The following ELOVL6 variants were observed in gnomAD, a reference collection of about 807,000 sequenced individuals.
ELOVL6 encodes the protein very long chain fatty acid elongase 6.
In ELOVL6, 8 loss-of-function variants were observed where a neutral mutation model predicts 31.7. The observed-to-expected ratio is 0.25, with a 90% CI of 0.15 to 0.45. The LOEUF is 0.45. ELOVL6 is among the 20% of genes least tolerant of loss of function. ELOVL6 has a pLI of 1.00. For missense variants in ELOVL6, 126 were observed against 326.4 expected (o/e 0.39, Z 4.73); for synonymous variants, 101 against 117.7 (o/e 0.86, Z 0.92).
rs183120195 is a variant in ELOVL6, at chr4:110,078,413, G to A, written c.222-18659C>T. ...CTCTTGGCAGAAACTCTACAAGCCA[G>A]AAGAGAGTGGGGGCCAATATTCAAC... On this transcript the variant is annotated intron_variant, in intron 2 of 3. Transcript: ENST00000302274. Among the ~76,000 whole-genome samples, 321 of 152,282 alleles carry A rather than the reference G, an allele frequency of 2.1e-3. 11 individuals are homozygous for A. The East Asian group carries it at 0.051, about 24-fold the overall frequency.
At chr4:110,148,124 A>G (rs1210743695) in intron 1 of ELOVL6, among the ~76,000 whole-genome samples, 1 of 151,858 alleles carries the variant, frequency 6.6e-6, no homozygotes, top group Non-Finnish European at 1.5e-5. Flanking sequence ...AAAAAAAAAA[A>G]AAAAAGCCAA....
intron 1 of ELOVL6, among the ~76,000 whole-genome samples, chr4:110,121,185 A>G (rs939244548): frequency 6.6e-6 from 1 of 152,236 alleles, no homozygotes; most frequent in Non-Finnish European, 1.5e-5. Context: ...GTCAAGAACT[A>G]TCTTCAAAGG....
At position 110,174,326 on chromosome 4, in the gene ELOVL6, C is replaced by T. The variant is rs116263754; in HGVS notation, c.89+23921G>A. On this transcript the variant is annotated intron_variant, in intron 1 of 3. Coordinates refer to ENST00000302274, the MANE Select transcript of ELOVL6 (RefSeq NM_024090.3). ...TTACAGGCCCATCCCACCATATGCC[C>T]GGCTGATTTTTGTATTTTCAGTAGA... is the stretch of plus-strand genomic sequence containing the variant. 5.3e-3 allele frequency among the ~76,000 whole-genome samples: 805 copies of T among 151,912 alleles called. 4 individuals carry two copies. The highest frequency in any genetic ancestry group is 0.027 in the Middle Eastern group (8 of 294).
At chr4:110,104,093 T>C (rs750449737) in intron 2 of ELOVL6, among the ~76,000 whole-genome samples, 1 of 152,176 alleles carries the variant, frequency 6.6e-6, no homozygotes, top group African/African-American at 2.4e-5. Flanking sequence ...AGGGGAGTCA[T>C]TGTACTTTTT....
intron 1 of ELOVL6, among the ~76,000 whole-genome samples, chr4:110,183,482 G>C (rs1042522036): frequency 2.6e-5 from 4 of 152,118 alleles, no homozygotes; most frequent in Admixed American, 2.6e-4. Flanking sequence ...AGGACCTCTT[G>C]AGACTATACC....
At chr4:110,143,385 G>A (rs116323364) in intron 1 of ELOVL6, among the ~76,000 whole-genome samples, 501 of 151,730 alleles carry the variant, frequency 3.3e-3, no homozygotes, top group African/African-American at 0.012. Flanking sequence ...TTTTTCAATG[G>A]CGCTCCTGCA....
At chr4:110,087,818 A>AAAAAAC (rs377416459) in intron 2 of ELOVL6, among the ~76,000 whole-genome samples, 1 of 148,624 alleles carries the variant, frequency 6.7e-6, no homozygotes, top group Non-Finnish European at 1.5e-5. Context: ...AAAAAAAAAA[A>AAAAAAC]CCTCCTATTT....
intron 1 of ELOVL6, among the ~76,000 whole-genome samples, chr4:110,138,291 G>A (rs1248672525): frequency 6.6e-6 from 1 of 152,106 alleles, no homozygotes; most frequent in East Asian, 1.9e-4. Context: ...TGCTAATAAA[G>A]TTCTATACAC....
intron 2 of ELOVL6, among the ~76,000 whole-genome samples, chr4:110,103,016 T>C (rs1756794896): frequency 6.6e-6 from 1 of 152,196 alleles, no homozygotes; most frequent in Admixed American, 6.5e-5. Context: ...TGAATAAGTC[T>C]TATGAGATCT....
At chr4:110,096,063 A>T (rs529443491) in intron 2 of ELOVL6, among the ~76,000 whole-genome samples, 42 of 152,370 alleles carry the variant, frequency 2.8e-4, no homozygotes, top group South Asian at 6.2e-4. Context: ...TCCTAAAAAT[A>T]AGAATTTGTT....
At chr4:110,133,326 G>T (rs146846473) in intron 1 of ELOVL6, among the ~76,000 whole-genome samples, 1,585 of 152,292 alleles carry the variant, frequency 0.01, 21 homozygotes, top group African/African-American at 0.037. Context: ...AATATTTACT[G>T]AAGTTCCTGC....
At chr4:110,153,431 G>A (rs1428906688) in intron 1 of ELOVL6, among the ~76,000 whole-genome samples, 1 of 152,168 alleles carries the variant, frequency 6.6e-6, no homozygotes, top group Non-Finnish European at 1.5e-5. Flanking sequence ...GCTACTTATA[G>A]ATGGTGGGCT....
rs1491465720 is a variant in ELOVL6, at chr4:110,084,237, A to ATATAACT, written c.221+21259_221+21260insAGTTATA. 2.3e-3 allele frequency among the ~76,000 whole-genome samples: 246 copies of ATATAACT among 107,042 alleles called. 9 individuals carry two copies. The highest frequency in any genetic ancestry group is 0.013 in the African/African-American group (214 of 16,160). 70.2% of individuals were successfully genotyped at this position (107,042 alleles called of 152,430 possible). The stretch of plus-strand genomic sequence containing the variant: ...ATATAACTTATATGATATATATAAC[A>ATATAACT]TATATGATATATATAACATATAGCT... On this transcript the variant is annotated intron_variant, in intron 2 of 3. Coordinates refer to ENST00000302274, the MANE Select transcript of ELOVL6 (RefSeq NM_024090.3).
At chr4:110,137,145 A>C (rs1320274308) in intron 1 of ELOVL6, among the ~76,000 whole-genome samples, 1 of 152,212 alleles carries the variant, frequency 6.6e-6, no homozygotes, top group East Asian at 1.9e-4. Context: ...ACTTTAAATT[A>C]GAAACTTAGA....
In ELOVL6 at chr4:110,128,798, C is replaced by T. The variant is rs553527853; in HGVS notation, c.90-23170G>A. 2.6e-4 allele frequency among the ~76,000 whole-genome samples: 39 copies of T among 152,338 alleles called. No homozygotes were observed. The South Asian group carries it at 7.0e-3, about 28-fold the overall frequency. On this transcript the variant is annotated intron_variant, in intron 1 of 3. Coordinates refer to ENST00000302274, the MANE Select transcript of ELOVL6 (RefSeq NM_024090.3). ...CCTCCCACCATGTGTCAGCTACCAA[C>T]ATGCAACAATGTCAGTTTCAAGACT...
At position 110,084,185 on chromosome 4, in the gene ELOVL6, A is replaced by ACTTATATGATATATATAT; in HGVS notation, c.221+21311_221+21312insATATATATATCATATAAG. 4.4e-5 allele frequency among the ~76,000 whole-genome samples: 3 copies of ACTTATATGATATATATAT among 67,598 alleles called. 1 individual carries two copies. The South Asian group carries it at 1.5e-3, about 33-fold the overall frequency. 44.3% of individuals were successfully genotyped at this position (67,598 alleles called of 152,430 possible). A position where few individuals can be genotyped will look rare whatever the true frequency, so the allele number is the denominator to read the frequency against. ...ATATGTGATATATATGATATATATA[A>ACTTATATGATATATATAT]CATATAACTTATATGATATATATAA... On this transcript the variant is annotated intron_variant, in intron 2 of 3. Transcript: ENST00000302274.
chr4:110,176,496 G>A (rs1759110416), intron 1 of ELOVL6, among the ~76,000 whole-genome samples: 1 of 152,058 alleles, frequency 6.6e-6, no homozygotes, highest in African/African-American at 2.4e-5. Flanking sequence ...ATTTCCATTT[G>A]TGAAGAGTCA....
At chr4:110,150,636 A>T (rs900328419) in intron 1 of ELOVL6, among the ~76,000 whole-genome samples, 2 of 152,196 alleles carry the variant, frequency 1.3e-5, no homozygotes, top group African/African-American at 4.8e-5. Context: ...TTAAAACATT[A>T]TTCTTGACAT....
intron 1 of ELOVL6, among the ~76,000 whole-genome samples, chr4:110,145,981 C>T (rs1011367339): frequency 3.9e-5 from 6 of 151,956 alleles, no homozygotes; most frequent in Admixed American, 6.6e-5. Context: ...TCATTTTTCA[C>T]AAAATTGGAA....
Sources: gnomAD v4.1 joint callset for allele counts (sites outside exome capture counted in the v4.1 genomes callset) on GRCh38, gnomAD v4.1.1 for gene constraint, MANE v1.5 for transcripts, NCBI Gene and HGNC (gene_info 2026-07-23, HGNC 2026-07-21) for gene names.